Variants in PTPRK observed in about 807,000 individuals in gnomAD.
PTPRK encodes receptor-type tyrosine-protein phosphatase kappa.
Under a neutral mutation model 178.0 loss-of-function variants are expected in PTPRK, and 75 were observed. That is an observed-to-expected ratio of 0.42 (90% confidence interval 0.35 to 0.51). The LOEUF is 0.51. Among genes scored for constraint, PTPRK ranks in the 20% least tolerant of loss-of-function variants. The probability of loss-of-function intolerance (pLI) is 0.02; values close to 1 mark genes in which losing one functional copy is unlikely to be tolerated. For synonymous variants in PTPRK, 637 were observed against 620.6 expected, an observed-to-expected ratio of 1.03 and a Z score of -0.39; for missense variants, 1,441 against 1,797.8, an observed-to-expected ratio of 0.80 and a Z score of 3.59.
chr6:128,346,006 G>T (rs1183737400), intron 2 of PTPRK, among the ~76,000 whole-genome samples: 1 of 152,042 alleles, frequency 6.6e-6, no homozygotes, highest in Non-Finnish European at 1.5e-5. Context: ...TATATTTCAG[G>T]CTGTAAATGT....
chr6:128,240,024 C>T lies in PTPRK; in HGVS notation c.693+11G>A. On this transcript the variant is annotated intron_variant, in intron 5 of 29. Coordinates refer to ENST00000368226, the MANE Select transcript of PTPRK (RefSeq NM_002844.4). ...GTATACTCTTTAGCTCAGCTGCCAA[C>T]TTGGCCTTACCTGGAGCCATAACTT... 2 of 1,600,222 alleles carry T rather than the reference C, an allele frequency of 1.2e-6. No individual in the cohort carries two copies. Among genetic ancestry groups the T allele is most frequent in the South Asian group, 1.1e-5 (1 of 90,414 alleles).
At chr6:128,330,603 C>A (rs1830136674) in intron 2 of PTPRK, among the ~76,000 whole-genome samples, 2 of 152,118 alleles carry the variant, frequency 1.3e-5, no homozygotes, top group African/African-American at 4.8e-5. Flanking sequence ...CTCAGGAGGA[C>A]AAATAGAATG....
chr6:128,223,788 A>G (rs548166434), intron 5 of PTPRK, among the ~76,000 whole-genome samples: 1 of 152,174 alleles, frequency 6.6e-6, no homozygotes, highest in African/African-American at 2.4e-5. Context: ...TGTGATGCAC[A>G]TAGCCTGTTA....
At chr6:128,201,342 T>C (rs1376432740) in intron 6 of PTPRK, among the ~76,000 whole-genome samples, 2 of 152,340 alleles carry the variant, frequency 1.3e-5, no homozygotes, top group East Asian at 3.9e-4. Context: ...ACCACACTTA[T>C]GCCAGGCTCT....
At position 128,168,284 on chromosome 6, in the gene PTPRK, TG is replaced by T. The variant is rs533647799; in HGVS notation, c.1162+16147del. 1.7e-3 allele frequency among the ~76,000 whole-genome samples: 257 copies of T among 151,968 alleles called. 1 individual carries two copies. Among genetic ancestry groups the T allele is most frequent in the African/African-American group, 5.9e-3 (244 of 41,484 alleles). On this transcript the variant is annotated intron_variant, in intron 7 of 29. Coordinates refer to ENST00000368226, the MANE Select transcript of PTPRK (RefSeq NM_002844.4). ...TAAACAGCCCTAAGTGTTGGTGAGG[TG>T]GTAGAGAAAAGGAACCCTTGTTCTC...
At chr6:128,131,439 A>G (rs1051619678) in intron 7 of PTPRK, among the ~76,000 whole-genome samples, 13 of 152,160 alleles carry the variant, frequency 8.5e-5, no homozygotes, top group African/African-American at 3.1e-4. Context: ...TCTACTTGGG[A>G]TGGTAGTGGT....
At chr6:128,478,428 T>G (rs1176828338) in intron 1 of PTPRK, among the ~76,000 whole-genome samples, 2 of 152,114 alleles carry the variant, frequency 1.3e-5, no homozygotes, top group Non-Finnish European at 2.9e-5. Context: ...TGCTCTAACC[T>G]TCTTTGGTCT....
In PTPRK at chr6:128,127,003, A is replaced by G. The variant is rs1007421784; in HGVS notation, c.1163-37011T>C. ...ATATTAGTCATTCTAATAGGTTTAG[A>G]GGGGTATGATGTTTTGCTAATTTGC... On this transcript the variant is annotated intron_variant, in intron 7 of 29. Transcript: ENST00000368226. 2.6e-5 allele frequency among the ~76,000 whole-genome samples: 4 copies of G among 151,360 alleles called. No homozygotes were observed. The East Asian group carries it at 5.8e-4, about 22-fold the overall frequency.
chr6:128,440,311 T>C (rs1324159124), intron 1 of PTPRK, among the ~76,000 whole-genome samples: 1 of 152,208 alleles, frequency 6.6e-6, no homozygotes, highest in East Asian at 1.9e-4. Flanking sequence ...TGGTAGGTTA[T>C]GGATGAGAGC....
intron 5 of PTPRK, among the ~76,000 whole-genome samples, chr6:128,226,761 CATATATATAT>C (rs71028117): frequency 0.025 from 2,738 of 109,536 alleles, 56 homozygotes; most frequent in Middle Eastern, 0.065. Context: ...ATTATATAGA[CATATATATAT>C]ATATATATAT....
intron 10 of PTPRK, among the ~76,000 whole-genome samples, chr6:128,079,340 A>T (rs1437750409): frequency 1.3e-5 from 2 of 152,082 alleles, no homozygotes; most frequent in East Asian, 3.9e-4. Flanking sequence ...CTGGTGAAAC[A>T]GTGTCGTTTA....
chr6:128,081,720 TTAAA>T (rs1784857193), intron 10 of PTPRK, among the ~76,000 whole-genome samples: 1 of 151,986 alleles, frequency 6.6e-6, no homozygotes, highest in Non-Finnish European at 1.5e-5. Flanking sequence ...TTTAGTAATC[TTAAA>T]TAAGAAAAAA....
At position 128,089,854 on chromosome 6, in the gene PTPRK, C is replaced by T; in HGVS notation, c.1301G>A (p.Gly434Asp). The T allele has an allele frequency of 6.2e-7, 1 of 1,614,054 alleles. No homozygotes were observed. The highest frequency in any genetic ancestry group is 1.1e-5 in the South Asian group (1 of 91,070). ...ACAGTCTGCCTTGCTCTCGTTGTGA[C>T]CACGGAAGTAATGGTAGCAGATAGT... ...NVTICYHYFR[G>D]HNESKADCLD... is the part of the protein sequence containing the mutation. Residue 434 changes from glycine to aspartate, a missense_variant, in exon 8 of 30, where the codon GGT becomes GAT. Gly to Asp is a moderately conservative substitution (Grantham distance 94). Transcript: ENST00000368226.
intron 13 of PTPRK, among the ~76,000 whole-genome samples, chr6:128,043,350 T>C (rs940283493): frequency 1.3e-5 from 2 of 152,086 alleles, no homozygotes; most frequent in African/African-American, 4.8e-5. Context: ...TTCAACTGTC[T>C]GTACTGCCTC....
chr6:128,231,169 G>A (rs1025800980), intron 5 of PTPRK, among the ~76,000 whole-genome samples: 2 of 152,058 alleles, frequency 1.3e-5, no homozygotes, highest in Non-Finnish European at 1.5e-5. Context: ...ATATGAGATC[G>A]GTGACTTTAT....
chr6:128,470,041 T>C (rs754055097), intron 1 of PTPRK, among the ~76,000 whole-genome samples: 4 of 152,176 alleles, frequency 2.6e-5, no homozygotes, highest in Non-Finnish European at 4.4e-5. Flanking sequence ...CCGCTAACTT[T>C]GTTGCAATTT....
intron 12 of PTPRK, among the ~76,000 whole-genome samples, chr6:128,067,292 G>C (rs572766892): frequency 1.3e-5 from 2 of 152,194 alleles, no homozygotes; most frequent in South Asian, 2.1e-4. Flanking sequence ...AGGAAGGCTC[G>C]AGTAGAAGCA....
At chr6:128,138,066 G>A (rs1157496818) in intron 7 of PTPRK, among the ~76,000 whole-genome samples, 1 of 152,042 alleles carries the variant, frequency 6.6e-6, no homozygotes, top group Non-Finnish European at 1.5e-5. Context: ...TATCAAGGAA[G>A]GATGTGTATT....
chr6:128,135,540 T>C lies in PTPRK; in HGVS notation c.1163-45548A>G, dbSNP rs1028883398. On this transcript the variant is annotated intron_variant, in intron 7 of 29. Coordinates refer to ENST00000368226, the MANE Select transcript of PTPRK (RefSeq NM_002844.4). ...GGATTCCCAGAACTGTTTTTCAATGTGGTTGAGATTCAGCCTAGGGAGTGA... is the reference window on the plus strand; with the variant it reads ...GGATTCCCAGAACTGTTTTTCAATGCGGTTGAGATTCAGCCTAGGGAGTGA... Among the ~76,000 whole-genome samples, 6 of 152,348 alleles carry C rather than the reference T, an allele frequency of 3.9e-5. No homozygotes were observed. In the East Asian group the frequency reaches 7.7e-4, roughly 20 times the overall value.
Sources: allele counts gnomAD v4.1 joint callset (sites outside exome capture counted in the v4.1 genomes callset), GRCh38; gene constraint gnomAD v4.1.1; transcripts MANE v1.5; gene names NCBI Gene and HGNC (gene_info 2026-07-23, HGNC 2026-07-21).